The following MTA3 variants were observed in gnomAD, a reference collection of about 807,000 sequenced individuals.
MTA3 encodes metastasis associated 1 family member 3, also known as metastasis-associated protein MTA3.
A neutral mutation model predicts 83.5 loss-of-function variants in MTA3; 34 were observed. That is an observed-to-expected ratio of 0.41 (90% CI 0.31 to 0.54). The LOEUF (loss-of-function observed/expected upper bound fraction) is 0.54. MTA3 is among the 20% of genes least tolerant of loss of function. MTA3 has a pLI of 0.33. For missense variants in MTA3, 761 were observed against 726.4 expected (o/e 1.05, Z -0.55); for synonymous variants, 303 against 252.7 (o/e 1.20, Z -1.89).
chr2:42,628,371 C>T (rs1333842731), intron 4 of MTA3, among the ~76,000 whole-genome samples: 2 of 152,036 alleles, frequency 1.3e-5, no homozygotes, highest in African/African-American at 4.8e-5. Flanking sequence ...GCTGGGATTA[C>T]AGGCGCCCAC....
In MTA3 at chr2:42,746,488, A is replaced by G. The variant is rs562109213; in HGVS notation, c.1760-6886A>G. 4.6e-5 allele frequency among the ~76,000 whole-genome samples: 7 copies of G among 152,260 alleles called. No homozygotes were observed. The South Asian group carries it at 6.2e-4, about 14-fold the overall frequency. Reference sequence around the variant, plus strand: ...CATAAGCTGAGTATCCTCCAATTCAATTCTGACCATGTCTACCTGGAGAGT... The same window carrying G: ...CATAAGCTGAGTATCCTCCAATTCAGTTCTGACCATGTCTACCTGGAGAGT... On this transcript the variant is annotated intron_variant, in intron 16 of 16. Transcript: ENST00000405094.
At chr2:42,570,094 T>TGGAAG (rs534351496) in intron 1 of MTA3, among the ~76,000 whole-genome samples, 15 of 152,040 alleles carry the variant, frequency 9.9e-5, no homozygotes, top group Non-Finnish European at 2.1e-4. Context: ...GAAAAAGATG[T>TGGAAG]GGAAGTAGTT....
chr2:42,545,568 G>A (rs1270535762), intron 2 of MTA3, among the ~76,000 whole-genome samples: 2 of 152,122 alleles, frequency 1.3e-5, no homozygotes, highest in Non-Finnish European at 1.5e-5. Flanking sequence ...TGTTTCGGGG[G>A]TGGGACAGCA....
intron 8 of MTA3, among the ~76,000 whole-genome samples, chr2:42,666,597 A>T (rs187643464): frequency 7.2e-5 from 11 of 152,278 alleles, no homozygotes; most frequent in Non-Finnish European, 1.5e-4. Flanking sequence ...ATCTTGGCTA[A>T]TCCATCACTT....
upstream of MTA3, among the ~76,000 whole-genome samples, chr2:42,564,646 C>T (rs1390457230): frequency 1.3e-5 from 2 of 152,274 alleles, no homozygotes; most frequent in East Asian, 1.9e-4. Context: ...ATGGAAAACA[C>T]GAACCAACAA....
chr2:42,741,472 A>T (rs956178559), intron 16 of MTA3, among the ~76,000 whole-genome samples: 1 of 152,186 alleles, frequency 6.6e-6, no homozygotes, highest in African/African-American at 2.4e-5. Context: ...CTTCCTCATG[A>T]AGGCTCATCA....
chr2:42,706,142 G>A (rs1192142967), intron 12 of MTA3, among the ~76,000 whole-genome samples: 17 of 152,110 alleles, frequency 1.1e-4, no homozygotes, highest in Admixed American at 1.1e-3. Context: ...GGGGGAGCAG[G>A]GAGGGATAGC....
chr2:42,749,047 C>T (rs779633703), intron 16 of MTA3, among the ~76,000 whole-genome samples: 7 of 152,258 alleles, frequency 4.6e-5, no homozygotes, highest in Non-Finnish European at 8.8e-5. Flanking sequence ...GAAGTCACTG[C>T]TCGGCTCCTT....
chr2:42,684,961 A>G (rs1415518097), intron 9 of MTA3, among the ~76,000 whole-genome samples: 1 of 152,244 alleles, frequency 6.6e-6, no homozygotes, highest in African/African-American at 2.4e-5. Flanking sequence ...GAATATTAAA[A>G]AGGATTCCTT....
intron 6 of MTA3, among the ~76,000 whole-genome samples, chr2:42,652,049 A>G (rs549886092): frequency 6.6e-6 from 1 of 152,248 alleles, no homozygotes; most frequent in African/African-American, 2.4e-5. Context: ...GTGAGCCAAG[A>G]TCACGGCATT....
At chr2:42,579,259 G>A in intron 3 of MTA3, 59 bp downstream of exon 3, 1 of 1,246,878 alleles carries the variant, frequency 8.0e-7, no homozygotes, top group African/African-American at 1.5e-5. Flanking sequence ...TTGTGATGAG[G>A]TGGAAACATG....
intron 8 of MTA3, among the ~76,000 whole-genome samples, 199 bp downstream of exon 8, chr2:42,660,061 A>G (rs1451689985): frequency 1.3e-5 from 2 of 150,316 alleles, no homozygotes; most frequent in Non-Finnish European, 1.5e-5. Context: ...GTGTCTGTTC[A>G]TTAGAAAGAG....
At chr2:42,624,274 A>C (rs1488865979) in intron 4 of MTA3, among the ~76,000 whole-genome samples, 1 of 152,036 alleles carries the variant, frequency 6.6e-6, no homozygotes, top group East Asian at 1.9e-4. Context: ...GATTTTTATT[A>C]ATTTTCATTT....
At chr2:42,628,274 A>G (rs1686324739) in intron 4 of MTA3, among the ~76,000 whole-genome samples, 1 of 150,324 alleles carries the variant, frequency 6.7e-6, no homozygotes, top group Admixed American at 6.7e-5. Flanking sequence ...CTTGTCACCC[A>G]GACTGGAGTG....
chr2:42,524,748 C>T (rs1675601127), intron 2 of MTA3, among the ~76,000 whole-genome samples: 1 of 150,972 alleles, frequency 6.6e-6, no homozygotes, highest in African/African-American at 2.4e-5. Flanking sequence ...GCTTCTTTGT[C>T]TCAGAACCTG....
At chr2:42,605,707 C>T (rs1365534770) in intron 3 of MTA3, among the ~76,000 whole-genome samples, 14 of 125,322 alleles carry the variant, frequency 1.1e-4, no homozygotes, top group South Asian at 2.7e-4. Context: ...GCTGGCCGGG[C>T]GGGGGGCCGA....
intron 2 of MTA3, among the ~76,000 whole-genome samples, chr2:42,575,110 G>A (rs548690007): frequency 1.3e-5 from 2 of 152,176 alleles, no homozygotes; most frequent in East Asian, 3.9e-4. Context: ...CTCCACTTTC[G>A]CTGAAAGCAG....
chr2:42,741,202 T>G (rs1669003816), intron 16 of MTA3, among the ~76,000 whole-genome samples: 1 of 152,242 alleles, frequency 6.6e-6, no homozygotes, highest in Non-Finnish European at 1.5e-5. Context: ...CCTCTCTCAG[T>G]CTTCATAGAA....
At position 42,530,645 on chromosome 2, in the gene MTA3, C is replaced by G. The variant is rs1278846910; in HGVS notation, c.-141+35391C>G. On this transcript the variant is annotated intron_variant, in intron 2 of 17. Coordinates refer to the MTA3 transcript ENST00000405592. ...CTAAAAATACAAAAAATTAGCTGGGCGTAGTGGCGCATGCCTATAATCCCA... is the reference window on the plus strand; with the variant it reads ...CTAAAAATACAAAAAATTAGCTGGGGGTAGTGGCGCATGCCTATAATCCCA... 8.6e-5 allele frequency among the ~76,000 whole-genome samples: 13 copies of G among 151,598 alleles called. No individual in the cohort carries two copies. In the South Asian group the frequency reaches 1.5e-3, roughly 17 times the overall value.
Sources: allele counts gnomAD v4.1 joint callset (sites outside exome capture counted in the v4.1 genomes callset), GRCh38; gene constraint gnomAD v4.1.1; transcripts MANE v1.5; gene names NCBI Gene and HGNC (gene_info 2026-07-23, HGNC 2026-07-21).